The following TMEFF1 variants were observed in gnomAD, a reference collection of about 807,000 sequenced individuals.
TMEFF1 encodes tomoregulin-1.
TMEFF1 carries 20 observed loss-of-function variants against 47.5 expected under a neutral mutation model. The ratio of observed to expected loss-of-function variants is 0.42; its 90% CI spans 0.30 to 0.61. The LOEUF is 0.61. TMEFF1 is among the 20% of genes least tolerant of loss of function. TMEFF1 has a pLI of 0.19. For missense variants in TMEFF1, 411 were observed against 471.1 expected (o/e 0.87, Z 1.18); for synonymous variants, 162 against 166.3 (o/e 0.97, Z 0.20).
At chr9:100,482,630 TTGATCTTTTTC>T in intron 1 of TMEFF1, among the ~76,000 whole-genome samples, 1 of 152,216 alleles carries the variant, frequency 6.6e-6, no homozygotes, top group South Asian at 2.1e-4. Context: ...GCCTCTTTTA[TTGATCTTTTTC>T]TGCCTAAACT....
rs541519674 is a variant in TMEFF1 at position 100,567,900 on chromosome 9, G to A, written c.900-4618G>A. On this transcript the variant is annotated intron_variant, in intron 8 of 9. Coordinates refer to ENST00000374879, the MANE Select transcript of TMEFF1 (RefSeq NM_003692.5). ...TCACAATCATGGGGGAAGGCAAAGA[G>A]GAGCAAGTCACATCTTACCTGGATG... Among the ~76,000 whole-genome samples the A allele has an allele frequency of 1.8e-4, 28 of 152,280 alleles. 1 individual carries two copies. Among genetic ancestry groups the A allele is most frequent in the African/African-American group, 3.8e-4 (16 of 41,566 alleles).
At position 100,561,071 on chromosome 9, in the gene TMEFF1, C is replaced by G. The variant is rs559364056; in HGVS notation, c.776-326C>G. ...TCTGTCTGTCACAGAGGTGAACTTT[C>G]TTTTAGAGCATTTATTTCTTTAGCA... On this transcript the variant is annotated intron_variant, in intron 7 of 9. Transcript: ENST00000374879. Among the ~76,000 whole-genome samples, 4 of 152,144 alleles carry G rather than the reference C, an allele frequency of 2.6e-5. No homozygotes were observed. The South Asian group carries it at 8.3e-4, about 32-fold the overall frequency.
chr9:100,478,386 T>C (rs1433852252), intron 1 of TMEFF1, among the ~76,000 whole-genome samples: 1 of 152,186 alleles, frequency 6.6e-6, no homozygotes, highest in Admixed American at 6.5e-5. Flanking sequence ...AGTGACGCAA[T>C]CTCAGCTTAC....
chr9:100,568,361 TA>T (rs1279129953), intron 8 of TMEFF1, among the ~76,000 whole-genome samples: 2 of 152,276 alleles, frequency 1.3e-5, no homozygotes, highest in African/African-American at 2.4e-5. Context: ...GGACATTATT[TA>T]AAAAATCCCA....
intron 9 of TMEFF1, among the ~76,000 whole-genome samples, chr9:100,574,904 A>G (rs1400019165): frequency 1.1e-4 from 17 of 152,160 alleles, no homozygotes; most frequent in Non-Finnish European, 2.5e-4. Flanking sequence ...GGTACCCTCT[A>G]GTTTATACTC....
Position 100,473,844 on chromosome 9 carries a change from T to C in TMEFF1, c.196+104T>C. ...GCTGGGAAAGACCCCGTCGTGGGGG[T>C]CCCAGGGGTGGGCCCGAGGGTGAGC... On this transcript the variant is annotated intron_variant, in intron 1 of 9. Transcript: ENST00000374879. This position sits in a 1 kb window ranked among gnomAD's most constrained non-coding sequence, Gnocchi z 5.4. The C allele has an allele frequency of 3.0e-6, 4 of 1,315,092 alleles. No homozygotes were observed. Among genetic ancestry groups the C allele is most frequent in the Non-Finnish European group, 3.9e-6 (4 of 1,015,114 alleles). The allele number at this position is 1,315,092 out of a possible 1,614,324, so 81.5% of individuals were successfully genotyped here.
chr9:100,520,612 C>G (rs970484740), intron 5 of TMEFF1, among the ~76,000 whole-genome samples: 3 of 152,100 alleles, frequency 2.0e-5, no homozygotes, highest in African/African-American at 7.2e-5. Context: ...ACTTCTTTGC[C>G]TTCTTAAACA....
At chr9:100,520,302 A>AC (rs1212254195) in intron 5 of TMEFF1, among the ~76,000 whole-genome samples, 1 of 152,154 alleles carries the variant, frequency 6.6e-6, no homozygotes, top group Non-Finnish European at 1.5e-5. Context: ...ACACAGCAAG[A>AC]CCCTGTCTCC....
intron 1 of TMEFF1, among the ~76,000 whole-genome samples, chr9:100,483,137 G>T (rs576399895): frequency 6.6e-6 from 1 of 152,082 alleles, no homozygotes; most frequent in South Asian, 2.1e-4. Flanking sequence ...GTTACAGATG[G>T]GTTTTTTCAT....
chr9:100,548,426 T>G (rs749094223), intron 6 of TMEFF1, among the ~76,000 whole-genome samples: 8 of 152,222 alleles, frequency 5.3e-5, no homozygotes, highest in Admixed American at 1.3e-4. Context: ...TCTTGCTTTT[T>G]GTTATAGCTT....
intron 2 of TMEFF1, among the ~76,000 whole-genome samples, chr9:100,502,951 T>C (rs1837794518): frequency 6.6e-6 from 1 of 152,190 alleles, no homozygotes; most frequent in South Asian, 2.1e-4. Flanking sequence ...GCAAACTGCC[T>C]CAGGGCTTAC....
At chr9:100,495,852 T>C (rs1318387008) in intron 1 of TMEFF1, among the ~76,000 whole-genome samples, 2 of 152,220 alleles carry the variant, frequency 1.3e-5, no homozygotes, top group Non-Finnish European at 2.9e-5. Context: ...TGCCCACTAA[T>C]GCATTCCACT....
At chr9:100,519,026 T>C (rs930156657) in intron 5 of TMEFF1, among the ~76,000 whole-genome samples, 1 of 151,682 alleles carries the variant, frequency 6.6e-6, no homozygotes, top group Non-Finnish European at 1.5e-5. Flanking sequence ...CTTTTAGTTA[T>C]TAAGAACAAA....
At chr9:100,493,448 C>A (rs1449313440) in intron 1 of TMEFF1, among the ~76,000 whole-genome samples, 1 of 152,118 alleles carries the variant, frequency 6.6e-6, no homozygotes, top group Admixed American at 6.6e-5. Flanking sequence ...GTTGTTGCTG[C>A]CAGAAGTTGG....
At chr9:100,556,315 C>G (rs780105130) in intron 7 of TMEFF1, among the ~76,000 whole-genome samples, 134 of 152,114 alleles carry the variant, frequency 8.8e-4, no homozygotes, top group Non-Finnish European at 1.7e-3. Context: ...TTCGGAACCC[C>G]CATCATTAGG....
chr9:100,564,795 G>T (rs531090903), intron 8 of TMEFF1, among the ~76,000 whole-genome samples: 1 of 152,306 alleles, frequency 6.6e-6, no homozygotes, highest in East Asian at 1.9e-4. Flanking sequence ...AGGAGACTTA[G>T]TAAGAAGTAA....
chr9:100,488,046 C>T (rs973522578), intron 1 of TMEFF1, among the ~76,000 whole-genome samples: 2 of 152,018 alleles, frequency 1.3e-5, no homozygotes, highest in Non-Finnish European at 2.9e-5. Flanking sequence ...GTTGCAGACA[C>T]TAAGGGATAG....
At chr9:100,534,606 T>C (rs1838469187) in intron 5 of TMEFF1, among the ~76,000 whole-genome samples, 1 of 152,234 alleles carries the variant, frequency 6.6e-6, no homozygotes, top group African/African-American at 2.4e-5. Flanking sequence ...ATTGTTTCAC[T>C]GAGCTGGACT....
Position 100,550,144 on chromosome 9 carries a change from T to C in TMEFF1, c.759T>C (p.Tyr253=). The change falls in exon 7 of 10, where the codon TAT becomes TAC. Residue 253 remains tyrosine, a synonymous_variant. Coordinates refer to ENST00000374879, the MANE Select transcript of TMEFF1 (RefSeq NM_003692.5). Reference sequence around the variant, plus strand: ...GAAAGAAAGATGATGGACTACAATATCGACCAGATGTGAAAGGTACTGAAT... The same window carrying C: ...GAAAGAAAGATGATGGACTACAATACCGACCAGATGTGAAAGGTACTGAAT... ...LLGKKDDGLQ[Y]RPDVKDASDQ... The C allele has an allele frequency of 2.5e-6, 4 of 1,612,476 alleles. No homozygotes were observed. Among genetic ancestry groups the C allele is most frequent in the Non-Finnish European group, 3.4e-6 (4 of 1,179,368 alleles).
Sources: allele counts gnomAD v4.1 joint callset (sites outside exome capture counted in the v4.1 genomes callset), GRCh38; gene constraint gnomAD v4.1.1; non-coding constraint Gnocchi (gnomAD v3.1); transcripts MANE v1.5; gene names NCBI Gene and HGNC (gene_info 2026-07-23, HGNC 2026-07-21).